PTPRA: variants seen among roughly 807,000 people sequenced by gnomAD.
PTPRA encodes the protein protein tyrosine phosphatase receptor type A.
In PTPRA, 25 loss-of-function variants were observed where a neutral mutation model predicts 104.8. The observed-to-expected ratio is 0.24, with a 90% CI of 0.17 to 0.33. The LOEUF (loss-of-function observed/expected upper bound fraction) is 0.33, where lower values mean the gene tolerates loss of function less well. Ranked by LOEUF, PTPRA falls within the 10% of genes least tolerant of loss-of-function variation. The pLI, the probability that PTPRA is intolerant of heterozygous loss-of-function variation, is 1.00. For synonymous variants in PTPRA, 323 were observed against 368.9 expected, an observed-to-expected ratio of 0.88 and a Z score of 1.43; for missense variants, 765 against 1,015.3, an observed-to-expected ratio of 0.75 and a Z score of 3.35.
At chr20:2,899,904 C>T (rs569760869) in intron 1 of PTPRA, among the ~76,000 whole-genome samples, 42 of 152,162 alleles carry the variant, frequency 2.8e-4, no homozygotes, top group African/African-American at 8.0e-4. Flanking sequence ...GTCAGTTGCT[C>T]GAGACCAGCC....
intron 3 of PTPRA, 91 bp from the exon 4 acceptor site, chr20:2,964,181 G>A (rs1263156332): frequency 1.9e-6 from 2 of 1,068,186 alleles, no homozygotes; most frequent in East Asian, 2.5e-5. Context: ...CATTTTAATA[G>A]CTTGGAAATC....
At chr20:2,910,578 G>GTTTCTTTTTTTT (rs1337126801) in intron 1 of PTPRA, among the ~76,000 whole-genome samples, 12 of 32,412 alleles carry the variant, frequency 3.7e-4, no homozygotes, top group Non-Finnish European at 4.7e-4. Context: ...TGCCCAGCTA[G>GTTTCTTTTTTTT]TTTTTTTTTT....
chr20:2,928,281 G>T (rs896347961), intron 2 of PTPRA, among the ~76,000 whole-genome samples: 2 of 152,030 alleles, frequency 1.3e-5, no homozygotes, highest in Middle Eastern at 3.4e-3. Flanking sequence ...GACTATAGGC[G>T]CCTGTCACCA....
chr20:3,026,073 G>A (rs1024584437), intron 17 of PTPRA, among the ~76,000 whole-genome samples: 3 of 151,538 alleles, frequency 2.0e-5, no homozygotes, highest in Non-Finnish European at 4.4e-5. Context: ...AGCCTCCTAA[G>A]TAGCTGGGTC....
rs762407593 is a variant in PTPRA, at chr20:3,035,510, A to G, written c.1921-75A>G. Reference sequence around the variant, plus strand: ...AGAGGTGGCTGTACTGAGAGGGGTCAGGCTGCTCGTGGGCAGTGCTGCTTC... The same window carrying G: ...AGAGGTGGCTGTACTGAGAGGGGTCGGGCTGCTCGTGGGCAGTGCTGCTTC... On this transcript the variant is annotated intron_variant, in intron 20 of 23. Transcript: ENST00000399903. This position sits in a 1 kb window ranked among gnomAD's most constrained non-coding sequence, Gnocchi z 5.8. The G allele has an allele frequency of 9.4e-6, 14 of 1,493,876 alleles. No individual in the cohort carries two copies. Among genetic ancestry groups the G allele is most frequent in the Non-Finnish European group, 1.2e-5 (13 of 1,084,100 alleles). The allele number at this position is 1,493,876 out of a possible 1,614,324, so 92.5% of individuals were successfully genotyped here. A position where few individuals can be genotyped will look rare whatever the true frequency, so the allele number is the denominator to read the frequency against.
intron 5 of PTPRA, among the ~76,000 whole-genome samples, chr20:2,965,497 A>T (rs902974131): frequency 6.6e-6 from 1 of 152,198 alleles, no homozygotes; most frequent in African/African-American, 2.4e-5. Context: ...CTCATTGACG[A>T]TGCAAGAGAC....
chr20:3,012,878 C>G (rs765741150), intron 11 of PTPRA, among the ~76,000 whole-genome samples: 2 of 152,028 alleles, frequency 1.3e-5, no homozygotes, highest in Non-Finnish European at 2.9e-5. Context: ...GTAAGTTTAC[C>G]AAGTTATGCA....
chr20:2,891,154 A>T (rs967578134), intron 1 of PTPRA, among the ~76,000 whole-genome samples: 23 of 152,054 alleles, frequency 1.5e-4, no homozygotes, highest in African/African-American at 5.6e-4. Flanking sequence ...ACATTTCTCA[A>T]ATTTGCCTAT....
chr20:2,892,765 G>T (rs939319415), intron 1 of PTPRA, among the ~76,000 whole-genome samples: 1 of 152,210 alleles, frequency 6.6e-6, no homozygotes, highest in Non-Finnish European at 1.5e-5. Flanking sequence ...TAGCCCCATT[G>T]TAGGGCAAGG....
At chr20:2,901,446 A>G (rs768624043) in intron 1 of PTPRA, among the ~76,000 whole-genome samples, 4 of 152,178 alleles carry the variant, frequency 2.6e-5, no homozygotes, top group South Asian at 2.1e-4. Flanking sequence ...AGCCATTGCT[A>G]TTGATGGCAG....
intron 1 of PTPRA, among the ~76,000 whole-genome samples, chr20:2,910,282 A>G (rs1162528827): frequency 7.8e-6 from 1 of 127,774 alleles, no homozygotes; most frequent in Non-Finnish European, 1.6e-5. Flanking sequence ...GGTATGCATT[A>G]TATATAATAT....
rs113000220 is a variant in PTPRA, at chr20:2,989,800, A to G, written c.738+1326A>G. On this transcript the variant is annotated intron_variant, in intron 9 of 23. Transcript: ENST00000399903. ...TGGGAGGCCAAGGCGGGCGGATCAC[A>G]AGGTCAGGAGATCGAGACCATCCTG... 1.7e-3 allele frequency among the ~76,000 whole-genome samples: 252 copies of G among 152,130 alleles called. 1 individual carries two copies. The highest frequency in any genetic ancestry group is 3.4e-3 in the Middle Eastern group (1 of 292).
chr20:2,998,615 C>T (rs1162553467), intron 9 of PTPRA, among the ~76,000 whole-genome samples: 1 of 152,092 alleles, frequency 6.6e-6, no homozygotes, highest in Non-Finnish European at 1.5e-5. Flanking sequence ...GGTGTTGGGT[C>T]GTTTTAAACA....
rs183711914 is a variant in PTPRA, at chr20:3,029,792, T to G, written c.1920+1951T>G. ...ATCTGCCTGACTCAGCCTCCCAAAGTGCTGGGATTACAGGCGTGAGCCACT... is the reference window on the plus strand; with the variant it reads ...ATCTGCCTGACTCAGCCTCCCAAAGGGCTGGGATTACAGGCGTGAGCCACT... On this transcript the variant is annotated intron_variant, in intron 20 of 23. Coordinates refer to ENST00000399903, the MANE Select transcript of PTPRA (RefSeq NM_001385305.1). 5.0e-4 allele frequency among the ~76,000 whole-genome samples: 76 copies of G among 152,216 alleles called. No individual in the cohort carries two copies. The East Asian group carries it at 9.6e-3, about 19-fold the overall frequency.
At chr20:2,973,952 ATT>A (rs540787644) in intron 5 of PTPRA, among the ~76,000 whole-genome samples, 13 of 135,328 alleles carry the variant, frequency 9.6e-5, no homozygotes, top group Admixed American at 2.3e-4. Flanking sequence ...TGTTTGTCTG[ATT>A]TTTTTTTTTT....
intron 11 of PTPRA, among the ~76,000 whole-genome samples, chr20:3,010,768 A>T (rs1600249551): frequency 6.6e-6 from 1 of 152,232 alleles, no homozygotes; most frequent in East Asian, 1.9e-4. Flanking sequence ...CCTCAGGACC[A>T]GCAGGCCAGG....
At chr20:2,900,203 G>T (rs1160070243) in intron 1 of PTPRA, among the ~76,000 whole-genome samples, 1 of 151,958 alleles carries the variant, frequency 6.6e-6, no homozygotes, top group Non-Finnish European at 1.5e-5. Context: ...TGTCACCCAG[G>T]CGGTAGCGCA....
intron 10 of PTPRA, among the ~76,000 whole-genome samples, chr20:3,006,660 C>T (rs1347663212): frequency 6.6e-6 from 1 of 152,164 alleles, no homozygotes; most frequent in Admixed American, 6.5e-5. Context: ...TTCTTTCTCG[C>T]TCTGTCACCC....
intron 22 of PTPRA, among the ~76,000 whole-genome samples, chr20:3,036,398 A>T (rs1278428026): frequency 6.6e-6 from 1 of 152,230 alleles, no homozygotes; most frequent in African/African-American, 2.4e-5. Context: ...GAATCCTAAC[A>T]ACAGCTTACA....
Sources: gnomAD v4.1 joint callset for allele counts (sites outside exome capture counted in the v4.1 genomes callset) on GRCh38, gnomAD v4.1.1 for gene constraint, Gnocchi (gnomAD v3.1) non-coding constraint, MANE v1.5 for transcripts, NCBI Gene and HGNC (gene_info 2026-07-23, HGNC 2026-07-21) for gene names.